The following ZFHX3 variants were observed in gnomAD, a reference collection of about 807,000 sequenced individuals.
The protein encoded by ZFHX3 is zinc finger homeobox 3.
In ZFHX3, 42 loss-of-function variants were observed where a neutral mutation model predicts 279.1. The ratio of observed to expected loss-of-function variants is 0.15; its 90% CI spans 0.12 to 0.19. The LOEUF is 0.19. Among genes scored for constraint, ZFHX3 ranks in the 10% least tolerant of loss-of-function variants. The pLI, the probability that ZFHX3 is intolerant of heterozygous loss-of-function variation, is 1.00. For missense variants in ZFHX3, 4,981 were observed against 4,754.0 expected (o/e 1.05, Z -1.40); for synonymous variants, 2,293 against 1,957.8 (o/e 1.17, Z -4.52).
At chr16:72,804,479 C>CTCT (rs1208141370) in intron 7 of ZFHX3, among the ~76,000 whole-genome samples, 1 of 152,160 alleles carries the variant, frequency 6.6e-6, no homozygotes. Flanking sequence ...ACAAGCTCCC[C>CTCT]AGAAGGAAAT....
intron 4 of ZFHX3, among the ~76,000 whole-genome samples, chr16:73,301,502 C>G (rs1325880234): frequency 6.6e-6 from 1 of 152,146 alleles, no homozygotes; most frequent in Non-Finnish European, 1.5e-5. Context: ...CCTACTGGAA[C>G]CTCCATCAGT....
At position 73,650,216 on chromosome 16, in the gene ZFHX3, C is replaced by T. The variant is rs1240614415; in HGVS notation, c.-1547+29964G>A. Among the ~76,000 whole-genome samples, 4 of 151,770 alleles carry T rather than the reference C, an allele frequency of 2.6e-5. 1 individual carries two copies. Among genetic ancestry groups the T allele is most frequent in the Non-Finnish European group, 4.4e-5 (3 of 67,970 alleles). On this transcript the variant is annotated intron_variant, in intron 2 of 17. Coordinates refer to the ZFHX3 transcript ENST00000641206. The stretch of plus-strand genomic sequence containing the variant: ...GGTTCAAATAAGAACCTTTAAGTAG[C>T]TATTTAAGATTATCAAAGATCTGAA...
At chr16:73,403,456 G>A (rs1190616793) in intron 3 of ZFHX3, among the ~76,000 whole-genome samples, 4 of 152,174 alleles carry the variant, frequency 2.6e-5, no homozygotes, top group Admixed American at 6.5e-5. Flanking sequence ...GCGCAGGAGC[G>A]TCTGCGGGCC....
chr16:73,532,374 T>G (rs1291946116), intron 2 of ZFHX3, among the ~76,000 whole-genome samples: 1 of 152,176 alleles, frequency 6.6e-6, no homozygotes, highest in Non-Finnish European at 1.5e-5. Context: ...TGCTCTTTCT[T>G]TGTCTTCCAC....
At chr16:72,993,418 C>T (rs1483772700) in intron 1 of ZFHX3, among the ~76,000 whole-genome samples, 1 of 152,208 alleles carries the variant, frequency 6.6e-6, no homozygotes, top group East Asian at 1.9e-4. Flanking sequence ...CATGTATTAA[C>T]ATGTTTCAGA....
intron 2 of ZFHX3, among the ~76,000 whole-genome samples, chr16:73,587,748 T>G: frequency 6.6e-6 from 1 of 152,344 alleles, no homozygotes; most frequent in East Asian, 1.9e-4. Flanking sequence ...TTTAAAAATG[T>G]CAAATTTTAT....
At chr16:73,589,654 C>T (rs573487252) in intron 2 of ZFHX3, among the ~76,000 whole-genome samples, 23 of 133,720 alleles carry the variant, frequency 1.7e-4, no homozygotes, top group Admixed American at 4.4e-4. Flanking sequence ...GGCATGAATC[C>T]GGGACATGGA....
intron 2 of ZFHX3, among the ~76,000 whole-genome samples, chr16:72,955,636 G>C (rs1961216839): frequency 6.6e-6 from 1 of 152,084 alleles, no homozygotes; most frequent in Non-Finnish European, 1.5e-5. Context: ...AAATTAGCCA[G>C]GCATGGTGGC....
rs536459207 is a variant in ZFHX3, at chr16:73,757,818, G to A, written c.-1607-77578C>T. The stretch of plus-strand genomic sequence containing the variant: ...AAGGTGGATGTGACAACCTTTATCC[G>A]CTCTCCTGTGTCCAAGAAGCCCAGG... On this transcript the variant is annotated intron_variant, in intron 1 of 17. Coordinates refer to the ZFHX3 transcript ENST00000641206. Among the ~76,000 whole-genome samples, 7 of 152,208 alleles carry A rather than the reference G, an allele frequency of 4.6e-5. No homozygotes were observed. In the South Asian group the frequency reaches 1.2e-3, roughly 27 times the overall value.
intron 2 of ZFHX3, among the ~76,000 whole-genome samples, chr16:73,508,808 T>C (rs1319141638): frequency 6.6e-6 from 1 of 152,218 alleles, no homozygotes; most frequent in Non-Finnish European, 1.5e-5. Flanking sequence ...AGAAGCAGTG[T>C]GTCCTTCTCC....
intron 2 of ZFHX3, chr16:73,487,444 C>T (rs1183265597): frequency 9.1e-6 from 4 of 438,992 alleles, no homozygotes; most frequent in Non-Finnish European, 1.8e-5. Flanking sequence ...GATCTGTTGC[C>T]CAGGCTGGAG....
chr16:73,866,868 AG>A (rs1706114466), intron 1 of ZFHX3, among the ~76,000 whole-genome samples: 1 of 152,206 alleles, frequency 6.6e-6, no homozygotes, highest in South Asian at 2.1e-4. Context: ...AGGCAGCTCT[AG>A]GGAAACCACA....
intron 2 of ZFHX3, among the ~76,000 whole-genome samples, chr16:73,635,849 T>C (rs926454341): frequency 2.6e-5 from 4 of 152,244 alleles, no homozygotes; most frequent in African/African-American, 9.6e-5. Context: ...TCCTTTACCA[T>C]AAAACTACTT....
chr16:73,041,948 G>C (rs867267231), intron 1 of ZFHX3, among the ~76,000 whole-genome samples: 1 of 152,156 alleles, frequency 6.6e-6, no homozygotes, highest in Non-Finnish European at 1.5e-5. Flanking sequence ...AGAGAAGTTG[G>C]GAGATGGAGA....
chr16:72,825,238 T>C (rs1178784834), intron 5 of ZFHX3, among the ~76,000 whole-genome samples: 1 of 152,210 alleles, frequency 6.6e-6, no homozygotes, highest in Non-Finnish European at 1.5e-5. Context: ...CAACGCCAGC[T>C]CCTTACAAGA....
At chr16:73,622,655 GCTTTGGACA>G (rs1295752269) in intron 2 of ZFHX3, among the ~76,000 whole-genome samples, 1 of 152,122 alleles carries the variant, frequency 6.6e-6, no homozygotes, top group Non-Finnish European at 1.5e-5. Context: ...AGGTGCTAGG[GCTTTGGACA>G]CTTAGGTCCC....
intron 1 of ZFHX3, among the ~76,000 whole-genome samples, chr16:73,724,878 A>C (rs776274649): frequency 2.6e-5 from 4 of 152,122 alleles, no homozygotes; most frequent in Non-Finnish European, 2.9e-5. Flanking sequence ...CCTACCCCTC[A>C]TCAGGCCCCC....
chr16:73,763,854 C>T (rs963280569), intron 1 of ZFHX3, among the ~76,000 whole-genome samples: 10 of 148,824 alleles, frequency 6.7e-5, no homozygotes, highest in Admixed American at 5.5e-4. Flanking sequence ...TTGCTGGCTT[C>T]GAAGAGGCAA....
intron 4 of ZFHX3, among the ~76,000 whole-genome samples, chr16:73,280,786 A>G (rs1443298500): frequency 6.6e-6 from 1 of 151,992 alleles, no homozygotes; most frequent in Non-Finnish European, 1.5e-5. Context: ...GTTCAAGACC[A>G]ACTTGACCAA....
Sources: allele counts gnomAD v4.1 joint callset (sites outside exome capture counted in the v4.1 genomes callset), GRCh38; gene constraint gnomAD v4.1.1; transcripts MANE v1.5; gene names NCBI Gene and HGNC (gene_info 2026-07-23, HGNC 2026-07-21).